DPH6: variants seen among roughly 807,000 people sequenced by gnomAD.
DPH6 encodes diphthamine biosynthesis 6, also known as diphthine--ammonia ligase.
A neutral mutation model predicts 38.2 loss-of-function variants in DPH6; 33 were observed. The ratio of observed to expected loss-of-function variants is 0.86; its 90% confidence interval spans 0.65 to 1.15. The LOEUF is 1.15. Among genes scored for constraint, DPH6 ranks in the 50% most tolerant of loss-of-function variants. DPH6 has a pLI of 0.00. For synonymous variants in DPH6, 108 were observed against 103.0 expected, an observed-to-expected ratio of 1.05 and a Z score of -0.30; for missense variants, 325 against 320.0, an observed-to-expected ratio of 1.02 and a Z score of -0.12.
chr15:35,444,883 GACC>G (rs944521681), intron 5 of DPH6, among the ~76,000 whole-genome samples: 6 of 85,446 alleles, frequency 7.0e-5, no homozygotes, highest in Non-Finnish European at 1.8e-4. Flanking sequence ...TGGTCCTCAA[GACC>G]ATTACTAAAA....
At chr15:35,329,004 A>G (rs2052307134), downstream of DPH6, among the ~76,000 whole-genome samples, 1 of 152,198 alleles carries the variant, frequency 6.6e-6, no homozygotes, top group Non-Finnish European at 1.5e-5. Flanking sequence ...CTACTGCAAG[A>G]ACAGTACGCG....
At chr15:35,340,843 T>G (rs528559621) in intron 3 of DPH6, among the ~76,000 whole-genome samples, 1 of 152,252 alleles carries the variant, frequency 6.6e-6, no homozygotes, top group African/African-American at 2.4e-5. Context: ...AAGAATCTGA[T>G]GATTATGTGT....
chr15:35,344,337 T>TA (rs1420711855), intron 3 of DPH6, among the ~76,000 whole-genome samples: 11 of 151,984 alleles, frequency 7.2e-5, no homozygotes, highest in African/African-American at 2.7e-4. Context: ...AACTGACCCT[T>TA]AGTTTATAAT....
intron 3 of DPH6, among the ~76,000 whole-genome samples, chr15:35,500,434 C>T (rs1182541371): frequency 2.6e-5 from 4 of 152,138 alleles, no homozygotes; most frequent in Non-Finnish European, 5.9e-5. Context: ...CTGCATCTGC[C>T]TGGTGATCAA....
intron 3 of DPH6, among the ~76,000 whole-genome samples, chr15:35,333,841 A>C (rs2052346358): frequency 6.6e-6 from 1 of 152,212 alleles, no homozygotes. Flanking sequence ...TCACTGCAGC[A>C]CTATTCACAA....
At chr15:35,346,301 T>A (rs1279965661) in intron 3 of DPH6, among the ~76,000 whole-genome samples, 1 of 152,030 alleles carries the variant, frequency 6.6e-6, no homozygotes, top group Non-Finnish European at 1.5e-5. Flanking sequence ...CTCTTGGAAG[T>A]GTGTGAAGGT....
At position 35,240,710 on chromosome 15, in the gene DPH6, C is replaced by T. The variant is rs925655677; in HGVS notation, n.201-20128G>A. 1.4e-5 allele frequency among the ~76,000 whole-genome samples: 2 copies of T among 143,626 alleles called. 1 individual carries two copies. Among genetic ancestry groups the T allele is most frequent in the Non-Finnish European group, 3.1e-5 (2 of 65,544 alleles). The allele number at this position is 143,626 out of a possible 152,430, so 94.2% of individuals were successfully genotyped here. A position where few individuals can be genotyped will look rare whatever the true frequency, so the allele number is the denominator to read the frequency against. On this transcript the variant is annotated intron_variant and non_coding_transcript_variant, in intron 3 of 3. Coordinates refer to the DPH6 transcript ENST00000560386. The stretch of plus-strand genomic sequence containing the variant: ...CTTCATCAAATATAAAAACCCAGCC[C>T]AGTTCATGGCTCGTTCGGCAGCAGC...
intron 3 of DPH6, among the ~76,000 whole-genome samples, chr15:35,290,795 G>T (rs1311811727): frequency 6.6e-6 from 1 of 151,548 alleles, no homozygotes; most frequent in Non-Finnish European, 1.5e-5. Flanking sequence ...TATCACTTTT[G>T]GTTTGTGTGA....
rs200683427 is a variant in DPH6, at chr15:35,372,110, T to C, written c.*40A>G. On this transcript the variant is annotated 3_prime_UTR_variant, in exon 9 of 9. Coordinates refer to ENST00000256538, the MANE Select transcript of DPH6 (RefSeq NM_080650.4). ...GAAAATACTATGCAATTTTTTTGTA[T>C]AGAAATGGTGGTTTAATGAACAATG... is the stretch of plus-strand genomic sequence containing the variant. 5 of 1,494,946 alleles carry C rather than the reference T, an allele frequency of 3.3e-6. No homozygotes were observed. Among genetic ancestry groups the C allele is most frequent in the African/African-American group, 2.9e-5 (2 of 69,338 alleles). The allele number at this position is 1,494,946 out of a possible 1,614,324, so 92.6% of individuals were successfully genotyped here. A position where few individuals can be genotyped will look rare whatever the true frequency, so the allele number is the denominator to read the frequency against.
intron 4 of DPH6, among the ~76,000 whole-genome samples, chr15:35,451,885 C>G (rs1451385925): frequency 6.6e-6 from 1 of 152,182 alleles, no homozygotes; most frequent in Non-Finnish European, 1.5e-5. Flanking sequence ...TGGCGGGCGC[C>G]TGTGGTCCCA....
At chr15:35,389,498 G>A (rs1175794705) in intron 6 of DPH6, among the ~76,000 whole-genome samples, 1 of 152,170 alleles carries the variant, frequency 6.6e-6, no homozygotes, top group African/African-American at 2.4e-5. Flanking sequence ...AGGTCACTAA[G>A]GACTTGCTTT....
chr15:35,479,918 T>C (rs2054306907), intron 3 of DPH6, among the ~76,000 whole-genome samples: 1 of 152,116 alleles, frequency 6.6e-6, no homozygotes, highest in Non-Finnish European at 1.5e-5. Flanking sequence ...ACCCATTCTC[T>C]AGGTTAACTA....
At chr15:35,536,523 G>A (rs2055172381) in intron 3 of DPH6, among the ~76,000 whole-genome samples, 1 of 151,848 alleles carries the variant, frequency 6.6e-6, no homozygotes, top group Non-Finnish European at 1.5e-5. Flanking sequence ...AAGACAGCAT[G>A]GATGGAAAAG....
At chr15:35,370,178 G>A (rs530447018), downstream of DPH6, among the ~76,000 whole-genome samples, 118 of 151,798 alleles carry the variant, frequency 7.8e-4, no homozygotes, top group African/African-American at 2.8e-3. Flanking sequence ...TAGATGTTAT[G>A]TCCTTTACAA....
intron 3 of DPH6, among the ~76,000 whole-genome samples, chr15:35,224,210 G>A (rs1566843226): frequency 2.0e-5 from 3 of 147,682 alleles, no homozygotes; most frequent in Admixed American, 7.0e-5. Flanking sequence ...GGGTTAAAGC[G>A]ATTCTCCTGC....
At chr15:35,393,006 C>T (rs1004633710) in intron 6 of DPH6, among the ~76,000 whole-genome samples, 1 of 152,174 alleles carries the variant, frequency 6.6e-6, no homozygotes, top group Non-Finnish European at 1.5e-5. Flanking sequence ...GAAGACAGGT[C>T]TTACACGGCT....
chr15:35,355,022 C>T (rs1222884963), intron 3 of DPH6, among the ~76,000 whole-genome samples: 1 of 152,130 alleles, frequency 6.6e-6, no homozygotes. Flanking sequence ...TTGAATTGAT[C>T]CCTTTACCAT....
At chr15:35,437,706 G>A (rs1454565993) in intron 5 of DPH6, among the ~76,000 whole-genome samples, 1 of 152,190 alleles carries the variant, frequency 6.6e-6, no homozygotes, top group Admixed American at 6.5e-5. Context: ...TGAGATACAG[G>A]CCTAGTACTC....
At chr15:35,235,829 T>C (rs2051547435) in intron 3 of DPH6, among the ~76,000 whole-genome samples, 3 of 152,226 alleles carry the variant, frequency 2.0e-5, no homozygotes, top group Non-Finnish European at 4.4e-5. Flanking sequence ...ATTTGCTATC[T>C]GAGATGCAAG....
Sources: allele counts gnomAD v4.1 joint callset (sites outside exome capture counted in the v4.1 genomes callset), GRCh38; gene constraint gnomAD v4.1.1; transcripts MANE v1.5; gene names NCBI Gene and HGNC (gene_info 2026-07-23, HGNC 2026-07-21).